PCDHA11: variants seen among roughly 807,000 people sequenced by gnomAD.
PCDHA11 encodes protocadherin alpha 11, also known as protocadherin alpha-11.
Under a neutral mutation model 70.3 loss-of-function variants are expected in PCDHA11, and 61 were observed. That is an observed-to-expected ratio of 0.87 (90% CI 0.71 to 1.07). PCDHA11 has a LOEUF of 1.07. PCDHA11 is among the 50% of genes least tolerant of loss of function. The pLI, the probability that PCDHA11 is intolerant of heterozygous loss-of-function variation, is 0.00. For synonymous variants in PCDHA11, 633 were observed against 555.1 expected (o/e 1.14, Z -1.97); for missense variants, 1,324 against 1,237.5 (o/e 1.07, Z -1.05).
intron 1 of PCDHA11, among the ~76,000 whole-genome samples, chr5:140,946,184 C>T (rs2093899107): frequency 6.6e-6 from 1 of 151,990 alleles, no homozygotes; most frequent in African/African-American, 2.4e-5. Context: ...TGTGAATAGA[C>T]ATTTCTCAAA....
chr5:140,928,177 A>G lies in PCDHA11; in HGVS notation c.2392-50772A>G, dbSNP rs781987562. Reference sequence around the variant, plus strand: ...TGGCTCACCCCCACTTAGCACCCGAAGGACAATCACTGTGTCAGTTGCTGA... The same window carrying G: ...TGGCTCACCCCCACTTAGCACCCGAGGGACAATCACTGTGTCAGTTGCTGA... On this transcript the variant is annotated intron_variant, in intron 1 of 3. Transcript: ENST00000398640. 8.7e-6 allele frequency: 14 copies of G among 1,614,218 alleles called. No homozygotes were observed. The East Asian group carries it at 2.7e-4, about 31-fold the overall frequency.
intron 1 of PCDHA11, among the ~76,000 whole-genome samples, chr5:140,945,317 A>C (rs1322598969): frequency 1.3e-5 from 2 of 152,150 alleles, no homozygotes; most frequent in Non-Finnish European, 2.9e-5. Context: ...AAATAAATGG[A>C]AATATATTTT....
chr5:140,995,893 A>G (rs1038677586), intron 3 of PCDHA11, among the ~76,000 whole-genome samples: 3 of 152,182 alleles, frequency 2.0e-5, no homozygotes, highest in Non-Finnish European at 4.4e-5. Flanking sequence ...AGATTTATCA[A>G]TGTATAAAAG....
At position 140,869,653 on chromosome 5, in the gene PCDHA11, A is replaced by G; in HGVS notation, c.550A>G (p.Thr184Ala). The change falls in exon 1 of 4, where the codon ACA becomes GCA. Residue 184 changes from threonine (T) to alanine (A), a missense_variant. Transcript: ENST00000398640. ...KNEYFSLDSP[T>A]NGKQIKRLSL... Reference sequence around the variant, plus strand: ...TGAGTATTTTTCTTTAGATTCACCAACAAATGGTAAGCAGATTAAAAGACT... The same window carrying G: ...TGAGTATTTTTCTTTAGATTCACCAGCAAATGGTAAGCAGATTAAAAGACT... 1 of 1,613,586 alleles carries G rather than the reference A, an allele frequency of 6.2e-7. No individual in the cohort carries two copies.
rs566700844 is a variant in PCDHA11, at chr5:140,926,191, C to T, written c.2392-52758C>T. On this transcript the variant is annotated intron_variant, in intron 1 of 3. Coordinates refer to ENST00000398640, the MANE Select transcript of PCDHA11 (RefSeq NM_018902.5). Reference sequence around the variant, plus strand: ...CCAGCGCGGAAAGCCCCCCGCAGCACTTCTTTCGGGGGGCTCCTGTTTCCT... The same window carrying T: ...CCAGCGCGGAAAGCCCCCCGCAGCATTTCTTTCGGGGGGCTCCTGTTTCCT... Among the ~76,000 whole-genome samples the T allele has an allele frequency of 8.1e-3, 1,227 of 151,838 alleles. 6 individuals carry two copies. Among genetic ancestry groups the T allele is most frequent in the African/African-American group, 0.019 (793 of 41,542 alleles).
At chr5:140,946,032 A>C (rs1440402875) in intron 1 of PCDHA11, among the ~76,000 whole-genome samples, 2 of 152,102 alleles carry the variant, frequency 1.3e-5, no homozygotes, top group Admixed American at 1.3e-4. Flanking sequence ...AGAAAACAAG[A>C]GTGAAGGGAC....
At chr5:140,981,458 C>T (rs1465511355) in intron 2 of PCDHA11, among the ~76,000 whole-genome samples, 5 of 152,134 alleles carry the variant, frequency 3.3e-5, no homozygotes, top group African/African-American at 4.8e-5. Flanking sequence ...CCTGTAGTCC[C>T]AGCTACTTGG....
At chr5:140,996,752 G>T (rs1454271001) in intron 3 of PCDHA11, among the ~76,000 whole-genome samples, 4 of 152,090 alleles carry the variant, frequency 2.6e-5, no homozygotes, top group African/African-American at 7.2e-5. Context: ...AATTATATCT[G>T]TGCAGGACTA....
chr5:140,944,710 T>C (rs564606677), intron 1 of PCDHA11, among the ~76,000 whole-genome samples: 1 of 152,300 alleles, frequency 6.6e-6, no homozygotes, highest in East Asian at 1.9e-4. Flanking sequence ...TCAGGTTATT[T>C]TGCCTTTGAA....
intron 1 of PCDHA11, among the ~76,000 whole-genome samples, chr5:140,956,861 A>T (rs2095316106): frequency 6.6e-6 from 1 of 152,194 alleles, no homozygotes; most frequent in Non-Finnish European, 1.5e-5. Flanking sequence ...TGGTTGAATG[A>T]ATGTGTGAAA....
At position 140,869,166 on chromosome 5, in the gene PCDHA11, C is replaced by A; in HGVS notation, c.63C>A (p.Leu21=). The change falls in exon 1 of 4, where the codon CTC becomes CTA. Residue 21 remains leucine, a synonymous_variant. Coordinates refer to ENST00000398640, the MANE Select transcript of PCDHA11 (RefSeq NM_018902.5). Reference sequence around the variant, plus strand: ...GACTACAGCTCTGGCTTCTCCTCCTCGAATTCTGGGAGGTGGGGAGCGGCC... The same window carrying A: ...GACTACAGCTCTGGCTTCTCCTCCTAGAATTCTGGGAGGTGGGGAGCGGCC... ...TPRLQLWLLL[L]EFWEVGSGQL... 1 of 1,613,866 alleles carries A rather than the reference C, an allele frequency of 6.2e-7. No individual in the cohort carries two copies. The highest frequency in any genetic ancestry group is 1.1e-5 in the South Asian group (1 of 91,064).
chr5:140,882,779 C>G (rs1554175579), intron 1 of PCDHA11: 2 of 1,614,168 alleles, frequency 1.2e-6, no homozygotes, highest in Non-Finnish European at 8.5e-7. Context: ...ATTGACCTAC[C>G]GACTGGATCC....
intron 1 of PCDHA11, chr5:140,928,844 C>G (rs782361945): frequency 6.2e-7 from 1 of 1,614,168 alleles, no homozygotes; most frequent in Admixed American, 1.7e-5. Context: ...TCCTCTGTCA[C>G]TCTGGGTGTG....
chr5:140,969,371 T>C (rs2096324872), intron 1 of PCDHA11: 1 of 1,607,688 alleles, frequency 6.2e-7, no homozygotes, highest in Non-Finnish European at 8.5e-7. Context: ...AACTCATGCA[T>C]TTGTTACACA....
chr5:141,006,426 G>A (rs2153987618), intron 3 of PCDHA11, among the ~76,000 whole-genome samples: 1 of 152,170 alleles, frequency 6.6e-6, no homozygotes, highest in Admixed American at 6.5e-5. Context: ...TGTTAGCCAG[G>A]ATGGTCTCAA....
chr5:140,892,233 C>G (rs1199614913), intron 1 of PCDHA11, among the ~76,000 whole-genome samples: 1 of 152,082 alleles, frequency 6.6e-6, no homozygotes, highest in Non-Finnish European at 1.5e-5. Context: ...TGTTTTGTCT[C>G]CACATAAACC....
chr5:140,870,932 T>C lies in PCDHA11; in HGVS notation c.1829T>C (p.Leu610Ser), dbSNP rs1428252254. The C allele has an allele frequency of 6.2e-7, 1 of 1,613,824 alleles. No individual in the cohort carries two copies. Among genetic ancestry groups the C allele is most frequent in the South Asian group, 1.1e-5 (1 of 91,082 alleles). The change falls in exon 1 of 4, where the codon TTG (leucine) becomes TCG (serine). Residue 610 changes from leucine to serine, a missense_variant. Leu to Ser is a moderately radical substitution (Grantham distance 145). Transcript: ENST00000398640. The stretch of plus-strand genomic sequence containing the variant: ...TACAACGCGTGGCTTTCATATGAAT[T>C]GCAGCCGGCGGCGGGCGGCTCGCGC... ...SGYNAWLSYE[L>S]QPAAGGSRIP...
intron 1 of PCDHA11, chr5:140,876,474 C>T: frequency 6.2e-7 from 1 of 1,614,014 alleles, no homozygotes; most frequent in Non-Finnish European, 8.5e-7. Flanking sequence ...CAGGTCACAG[C>T]ATGGTCCTGG....
intron 1 of PCDHA11, among the ~76,000 whole-genome samples, chr5:140,889,692 T>C (rs1237047126): frequency 1.3e-5 from 2 of 152,202 alleles, no homozygotes; most frequent in Non-Finnish European, 1.5e-5. Context: ...TTTAGTATTA[T>C]GGGCATATTC....
Sources: gnomAD v4.1 joint callset for allele counts (sites outside exome capture counted in the v4.1 genomes callset) on GRCh38, gnomAD v4.1.1 for gene constraint, MANE v1.5 for transcripts, NCBI Gene and HGNC (gene_info 2026-07-23, HGNC 2026-07-21) for gene names.